Variants in PTPRD observed in about 807,000 individuals in gnomAD.
PTPRD encodes receptor-type tyrosine-protein phosphatase delta.
In PTPRD, 34 loss-of-function variants were observed where a neutral mutation model predicts 214.5. The ratio of observed to expected loss-of-function variants is 0.16; its 90% CI spans 0.12 to 0.21. The LOEUF is 0.21. PTPRD is among the 10% of genes least tolerant of loss of function. PTPRD has a pLI of 1.00. For synonymous variants in PTPRD, 1,128 were observed against 845.7 expected, an observed-to-expected ratio of 1.33 and a Z score of -5.79; for missense variants, 2,545 against 2,398.7, an observed-to-expected ratio of 1.06 and a Z score of -1.27.
At chr9:10,418,292 T>A (rs2098512413) in intron 2 of PTPRD, among the ~76,000 whole-genome samples, 1 of 151,842 alleles carries the variant, frequency 6.6e-6, no homozygotes, top group South Asian at 2.1e-4. Flanking sequence ...TTTTAAACAC[T>A]GTCTATAAAT....
intron 7 of PTPRD, among the ~76,000 whole-genome samples, chr9:9,646,337 G>C (rs1485635182): frequency 1.4e-5 from 2 of 147,930 alleles, no homozygotes; most frequent in Non-Finnish European, 3.0e-5. Flanking sequence ...GTGTGTGTGT[G>C]TGTGTGGGTG....
At chr9:8,334,758 G>A (rs1844945604) in intron 43 of PTPRD, among the ~76,000 whole-genome samples, 1 of 112,432 alleles carries the variant, frequency 8.9e-6, no homozygotes, top group Non-Finnish European at 1.9e-5. Flanking sequence ...CTGGCTTTTG[G>A]AAAAGATCAA....
At chr9:9,041,525 T>C (rs1219908908) in intron 10 of PTPRD, among the ~76,000 whole-genome samples, 4 of 152,194 alleles carry the variant, frequency 2.6e-5, no homozygotes, top group Non-Finnish European at 5.9e-5. Flanking sequence ...TCCAACCATG[T>C]TGCTTCAAAG....
At chr9:9,805,419 C>T (rs772268711) in intron 5 of PTPRD, among the ~76,000 whole-genome samples, 4 of 152,036 alleles carry the variant, frequency 2.6e-5, no homozygotes, top group Non-Finnish European at 4.4e-5. Flanking sequence ...AGAGTTCAAA[C>T]GCAAGGTGAT....
At chr9:9,487,556 TTTC>T (rs1292670717) in intron 8 of PTPRD, among the ~76,000 whole-genome samples, 1 of 107,294 alleles carries the variant, frequency 9.3e-6, no homozygotes, top group African/African-American at 3.4e-5. Context: ...CATGATTCAT[TTTC>T]TTAATTCAAA....
chr9:9,294,589 G>T (rs1952358977), intron 9 of PTPRD, among the ~76,000 whole-genome samples: 1 of 151,624 alleles, frequency 6.6e-6, no homozygotes. Flanking sequence ...AGAGCGCTCT[G>T]TGTGCTATTT....
At chr9:10,328,925 G>T (rs1184916980) in intron 3 of PTPRD, among the ~76,000 whole-genome samples, 1 of 151,646 alleles carries the variant, frequency 6.6e-6, no homozygotes, top group African/African-American at 2.4e-5. Context: ...GCCTGAGATT[G>T]TTTCTACCTT....
chr9:8,627,990 T>C (rs1274456864), intron 14 of PTPRD, among the ~76,000 whole-genome samples: 1 of 151,930 alleles, frequency 6.6e-6, no homozygotes. Flanking sequence ...AACTATTTTA[T>C]AAGCCTTTTC....
intron 14 of PTPRD, among the ~76,000 whole-genome samples, chr9:8,568,427 T>A (rs1280226695): frequency 6.6e-6 from 1 of 152,172 alleles, no homozygotes; most frequent in Non-Finnish European, 1.5e-5. Flanking sequence ...GAACCTTTCA[T>A]TCCTATTACT....
At chr9:10,497,186 C>T (rs1473927592) in intron 2 of PTPRD, among the ~76,000 whole-genome samples, 1 of 151,876 alleles carries the variant, frequency 6.6e-6, no homozygotes, top group Non-Finnish European at 1.5e-5. Context: ...GCAAAAACTA[C>T]CTTACTAGTA....
At chr9:8,937,571 G>C (rs368850276) in intron 11 of PTPRD, among the ~76,000 whole-genome samples, 1 of 152,108 alleles carries the variant, frequency 6.6e-6, no homozygotes, top group African/African-American at 2.4e-5. Flanking sequence ...GTCCCTCAGA[G>C]AGGCCCTATT....
rs1277908957 is a variant in PTPRD at position 9,574,800 on chromosome 9, A to G, written c.-286-19T>C. ...CTGAGACCTAGAAAAGTATAACACA[A>G]AACATTCTTTATTAGTACTAGTGTT... On this transcript the variant is annotated intron_variant, in intron 7 of 45. Transcript: ENST00000381196. The G allele has an allele frequency of 6.6e-6, 1 of 152,146 alleles. No homozygotes were observed. Among genetic ancestry groups the G allele is most frequent in the African/African-American group, 2.4e-5 (1 of 41,454 alleles). The allele number at this position is 152,146 out of a possible 1,614,324, so 9.4% of individuals were successfully genotyped here. A position where few individuals can be genotyped will look rare whatever the true frequency, so the allele number is the denominator to read the frequency against.
intron 9 of PTPRD, among the ~76,000 whole-genome samples, chr9:9,269,804 A>G (rs574081168): frequency 1.3e-5 from 2 of 151,392 alleles, no homozygotes; most frequent in East Asian, 3.9e-4. Flanking sequence ...AATCTAAAAA[A>G]GATAACTAAT....
rs1017947565 is a variant in PTPRD, at chr9:9,413,577, A to T, written c.-236-16095T>A. Among the ~76,000 whole-genome samples the T allele has an allele frequency of 2.0e-5, 3 of 152,344 alleles. No individual in the cohort carries two copies. The East Asian group carries it at 5.8e-4, about 29-fold the overall frequency. On this transcript the variant is annotated intron_variant, in intron 8 of 45. Coordinates refer to ENST00000381196, the MANE Select transcript of PTPRD (RefSeq NM_002839.4). Reference sequence around the variant, plus strand: ...ATTATCCAAAAAAACAAAGAAAACCAAACTAGAAATTATATAAACTCTCTG... The same window carrying T: ...ATTATCCAAAAAAACAAAGAAAACCTAACTAGAAATTATATAAACTCTCTG...
chr9:9,749,183 C>G (rs1359175), intron 6 of PTPRD, among the ~76,000 whole-genome samples: 18,348 of 152,146 alleles, frequency 0.12, 1,852 homozygotes, highest in African/African-American at 0.27. Context: ...CCATGCCTCT[C>G]AGTTTCAAAT....
At chr9:9,987,507 T>C (rs2095757901) in intron 4 of PTPRD, among the ~76,000 whole-genome samples, 1 of 151,892 alleles carries the variant, frequency 6.6e-6, no homozygotes, top group South Asian at 2.1e-4. Flanking sequence ...AACCATCCAA[T>C]CTCATGAGAC....
chr9:9,832,592 T>G (rs1037536414), intron 5 of PTPRD, among the ~76,000 whole-genome samples: 5 of 151,992 alleles, frequency 3.3e-5, no homozygotes, highest in African/African-American at 1.2e-4. Context: ...TAGGGTAATT[T>G]AGGTTTGGGG....
chr9:9,959,649 T>C lies in PTPRD; in HGVS notation c.-471-21039A>G, dbSNP rs77459488. 1.2e-4 allele frequency among the ~76,000 whole-genome samples: 18 copies of C among 152,324 alleles called. 2 individuals are homozygous for C. The East Asian group carries it at 3.3e-3, about 28-fold the overall frequency. ...CTTTGAAAATAAGTCAAGTCTATAA[T>C]GCTAGAGGCAAAAGGAGGTGCACAA... On this transcript the variant is annotated intron_variant, in intron 4 of 45. Coordinates refer to ENST00000381196, the MANE Select transcript of PTPRD (RefSeq NM_002839.4).
At chr9:8,737,737 G>A (rs867283699) in intron 11 of PTPRD, among the ~76,000 whole-genome samples, 4 of 151,998 alleles carry the variant, frequency 2.6e-5, no homozygotes, top group Admixed American at 2.0e-4. Context: ...TGCTACCTCC[G>A]CCTCCTCAGT....
Sources: allele counts gnomAD v4.1 joint callset (sites outside exome capture counted in the v4.1 genomes callset), GRCh38; gene constraint gnomAD v4.1.1; transcripts MANE v1.5; gene names NCBI Gene and HGNC (gene_info 2026-07-23, HGNC 2026-07-21).